TCERG1L: variants seen among roughly 807,000 people sequenced by gnomAD.
TCERG1L encodes transcription elongation regulator 1 like.
A neutral mutation model predicts 56.3 loss-of-function variants in TCERG1L; 37 were observed. That is an observed-to-expected ratio of 0.66 (90% CI 0.51 to 0.87). The LOEUF is 0.87. Among genes scored for constraint, TCERG1L ranks in the 40% least tolerant of loss-of-function variants. The pLI is 0.00. For synonymous variants in TCERG1L, 324 were observed against 326.3 expected, an observed-to-expected ratio of 0.99 and a Z score of 0.08; for missense variants, 799 against 774.2, an observed-to-expected ratio of 1.03 and a Z score of -0.38.
intron 4 of TCERG1L, among the ~76,000 whole-genome samples, chr10:131,228,286 A>G (rs1845815781): frequency 1.2e-5 from 1 of 80,172 alleles, no homozygotes; most frequent in East Asian, 5.2e-4. Context: ...TCTCCCCTCC[A>G]GACAGGCATT....
chr10:131,246,027 C>T (rs1386073312), intron 4 of TCERG1L, among the ~76,000 whole-genome samples: 3 of 152,194 alleles, frequency 2.0e-5, no homozygotes, highest in Non-Finnish European at 4.4e-5. Flanking sequence ...CTTCTGGAAA[C>T]ACTGAGGCTC....
intron 3 of TCERG1L, among the ~76,000 whole-genome samples, chr10:131,261,561 T>C (rs918059774): frequency 1.3e-5 from 2 of 152,210 alleles, no homozygotes; most frequent in Admixed American, 6.5e-5. Context: ...CGAGGTCTCA[T>C]GATACAGTAG....
At chr10:131,220,796 T>A (rs1029977561) in intron 4 of TCERG1L, among the ~76,000 whole-genome samples, 7 of 152,060 alleles carry the variant, frequency 4.6e-5, no homozygotes, top group African/African-American at 1.4e-4. Flanking sequence ...AGAGCCAGGA[T>A]GAGGAAAGGG....
chr10:131,174,341 C>T (rs865921407), intron 4 of TCERG1L, among the ~76,000 whole-genome samples: 5 of 152,218 alleles, frequency 3.3e-5, no homozygotes, highest in African/African-American at 1.2e-4. Context: ...ACAGTGGGGC[C>T]GTTTCCCTGG....
chr10:131,291,819 C>T (rs1322709508), intron 3 of TCERG1L, among the ~76,000 whole-genome samples: 2 of 147,158 alleles, frequency 1.4e-5, no homozygotes, highest in African/African-American at 4.9e-5. Flanking sequence ...TTGTCGTTTT[C>T]TCTGTTTAGA....
intron 9 of TCERG1L, 128 bp downstream of exon 9, chr10:131,116,671 G>GGCCAGGA: frequency 7.7e-7 from 1 of 1,306,588 alleles, no homozygotes; most frequent in South Asian, 1.3e-5. Context: ...TCATCTCTCA[G>GGCCAGGA]GCCAGGACAG....
rs746524954 is a variant in TCERG1L, at chr10:131,146,622, A to C, written c.1073T>G (p.Phe358Cys). ...GACAGACAGGTGCATCGTTGGGTTG[A>C]AGAAGAAAACTCGGTCATCGCCCGT... The part of the protein sequence containing the change: ...VWTGDDRVFF[F>C]NPTMHLSVWE... The change falls in exon 7 of 12, where the codon TTC (phenylalanine) becomes TGC (cysteine). Residue 358 changes from phenylalanine to cysteine, a missense_variant. Phe to Cys is a radical substitution (Grantham distance 205). Transcript: ENST00000368642. The C allele has an allele frequency of 1.2e-6, 2 of 1,613,700 alleles. No homozygotes were observed. The highest frequency in any genetic ancestry group is 1.7e-6 in the Non-Finnish European group (2 of 1,179,744).
At chr10:131,309,858 A>C (rs1373079307) in intron 1 of TCERG1L, among the ~76,000 whole-genome samples, 4 of 150,446 alleles carry the variant, frequency 2.7e-5, no homozygotes, top group African/African-American at 9.7e-5. Flanking sequence ...AAAAAAAAAA[A>C]ACTAAGCATC....
chr10:131,281,608 T>C (rs75751845), intron 3 of TCERG1L, among the ~76,000 whole-genome samples: 1 of 152,052 alleles, frequency 6.6e-6, no homozygotes, highest in Non-Finnish European at 1.5e-5. Flanking sequence ...GCTGCCTGTT[T>C]CTATTCTTCC....
chr10:131,248,687 C>G (rs539493948), intron 4 of TCERG1L, among the ~76,000 whole-genome samples: 2 of 152,348 alleles, frequency 1.3e-5, no homozygotes, highest in African/African-American at 4.8e-5. Context: ...ACACATGCAG[C>G]TGAGAGTCAC....
At chr10:131,226,547 G>A (rs191987094) in intron 4 of TCERG1L, among the ~76,000 whole-genome samples, 66 of 152,252 alleles carry the variant, frequency 4.3e-4, no homozygotes, top group African/African-American at 1.4e-3. Context: ...CAGCCATGAC[G>A]ATTAGCATTC....
At chr10:131,146,210 G>C (rs2133414286) in intron 7 of TCERG1L, among the ~76,000 whole-genome samples, 1 of 152,274 alleles carries the variant, frequency 6.6e-6, no homozygotes, top group East Asian at 1.9e-4. Flanking sequence ...ATAAAATGCT[G>C]GGTAACAGTG....
Position 131,308,328 on chromosome 10 carries a change from A to C in TCERG1L, c.553T>G (p.Phe185Val). Residue 185 changes from phenylalanine to valine, a missense_variant, in exon 3 of 12, where the codon TTC becomes GTC. Coordinates refer to ENST00000368642, the MANE Select transcript of TCERG1L (RefSeq NM_174937.4). ...TWIHPEESRF[F>V]HGHEKPRLLA... ...AAACGAGGCTTTTCATGCCCATGGAAAAACCTTGACTCCTCAGGATGTATC... is the reference window on the plus strand; with the variant it reads ...AAACGAGGCTTTTCATGCCCATGGACAAACCTTGACTCCTCAGGATGTATC... 6.2e-7 allele frequency: 1 copy of C among 1,614,026 alleles called. No homozygotes were observed. Among genetic ancestry groups the C allele is most frequent in the Non-Finnish European group, 8.5e-7 (1 of 1,179,900 alleles).
intron 4 of TCERG1L, among the ~76,000 whole-genome samples, chr10:131,187,995 G>T (rs1033812604): frequency 6.6e-6 from 1 of 152,170 alleles, no homozygotes; most frequent in Non-Finnish European, 1.5e-5. Context: ...TGCATCCTGG[G>T]TTACGCTTTC....
chr10:131,196,039 C>T (rs1461455616), intron 4 of TCERG1L, among the ~76,000 whole-genome samples: 1 of 152,234 alleles, frequency 6.6e-6, no homozygotes, highest in Non-Finnish European at 1.5e-5. Flanking sequence ...GCCAGCTGAA[C>T]AGCAGTGAGT....
chr10:131,140,843 A>G (rs1845729440), intron 7 of TCERG1L, among the ~76,000 whole-genome samples: 1 of 152,186 alleles, frequency 6.6e-6, no homozygotes, highest in Non-Finnish European at 1.5e-5. Context: ...AGCTCCTGCC[A>G]GGAGAGGTGG....
intron 4 of TCERG1L, among the ~76,000 whole-genome samples, chr10:131,245,548 C>A (rs1056823499): frequency 2.6e-4 from 39 of 152,306 alleles, no homozygotes; most frequent in African/African-American, 8.9e-4. Flanking sequence ...TCTCCGGGGG[C>A]AGCGACAGGA....
At chr10:131,230,916 G>A (rs1845843003) in intron 4 of TCERG1L, among the ~76,000 whole-genome samples, 1 of 151,988 alleles carries the variant, frequency 6.6e-6, no homozygotes, top group African/African-American at 2.4e-5. Context: ...GCCTCTGCAG[G>A]GTGCCGTGCC....
At chr10:131,146,700 A>G (rs1243709325) in intron 6 of TCERG1L, 40 bp from the exon 7 acceptor site, 8 of 1,571,702 alleles carry the variant, frequency 5.1e-6, no homozygotes, top group Non-Finnish European at 6.9e-6. Flanking sequence ...GCTCTCGGAG[A>G]CACTTAATTA....
Sources: allele counts gnomAD v4.1 joint callset (sites outside exome capture counted in the v4.1 genomes callset), GRCh38; gene constraint gnomAD v4.1.1; transcripts MANE v1.5; gene names NCBI Gene and HGNC (gene_info 2026-07-23, HGNC 2026-07-21).